Variants in AOAH observed in about 807,000 individuals in gnomAD.
AOAH encodes acyloxyacyl hydrolase.
AOAH carries 64 observed loss-of-function variants against 92.2 expected under a neutral mutation model. That is an observed-to-expected ratio of 0.69 (90% CI 0.57 to 0.86). The LOEUF (loss-of-function observed/expected upper bound fraction) is 0.86. AOAH is among the 40% of genes least tolerant of loss of function. AOAH has a pLI of 0.00. For synonymous variants in AOAH, 263 were observed against 254.5 expected, an observed-to-expected ratio of 1.03 and a Z score of -0.32; for missense variants, 656 against 694.6, an observed-to-expected ratio of 0.94 and a Z score of 0.62.
At chr7:36,656,037 T>G (rs768382862) in intron 4 of AOAH, among the ~76,000 whole-genome samples, 2 of 152,118 alleles carry the variant, frequency 1.3e-5, no homozygotes, top group Non-Finnish European at 2.9e-5. Flanking sequence ...GAGAAATTGC[T>G]TTCCAGGCAA....
chr7:36,548,033 T>C (rs977955204), intron 15 of AOAH, among the ~76,000 whole-genome samples: 1 of 152,208 alleles, frequency 6.6e-6, no homozygotes, highest in Admixed American at 6.5e-5. Flanking sequence ...TTCCCAATCT[T>C]GGGTTCTCAG....
chr7:36,588,662 A>G (rs1259228929), intron 12 of AOAH, among the ~76,000 whole-genome samples: 1 of 152,176 alleles, frequency 6.6e-6, no homozygotes, highest in Admixed American at 6.5e-5. Flanking sequence ...TACTGCCCCA[A>G]GTGACTTGGT....
chr7:36,611,146 A>G (rs1225616763), intron 11 of AOAH, among the ~76,000 whole-genome samples: 1 of 152,152 alleles, frequency 6.6e-6, no homozygotes, highest in Non-Finnish European at 1.5e-5. Context: ...CCAGGCTGAG[A>G]GTGGCTGGGC....
Position 36,659,413 on chromosome 7 carries a change from C to A in AOAH, c.291-148G>T, listed in dbSNP as rs371785747. 1.6e-4 allele frequency: 105 copies of A among 646,410 alleles called. 2 individuals are homozygous for A. Among genetic ancestry groups the A allele is most frequent in the South Asian group, 6.2e-4 (35 of 56,404 alleles). The allele number at this position is 646,410 out of a possible 1,614,324, so 40.0% of individuals were successfully genotyped here. On this transcript the variant is annotated intron_variant, in intron 3 of 20. Coordinates refer to ENST00000617537, the MANE Select transcript of AOAH (RefSeq NM_001637.4). Reference sequence around the variant, plus strand: ...GGCCTTTGACCCCAATCCCGGGGAGCTGCTGGATGGTAATGATTTCCTGCC... The same window carrying A: ...GGCCTTTGACCCCAATCCCGGGGAGATGCTGGATGGTAATGATTTCCTGCC...
At chr7:36,607,281 G>A (rs979446430) in intron 11 of AOAH, among the ~76,000 whole-genome samples, 9 of 152,192 alleles carry the variant, frequency 5.9e-5, no homozygotes, top group African/African-American at 2.2e-4. Flanking sequence ...ATGAAACAAT[G>A]CCCACTTGTT....
chr7:36,521,754 C>T (rs916439427), intron 20 of AOAH, among the ~76,000 whole-genome samples: 5 of 151,398 alleles, frequency 3.3e-5, no homozygotes, highest in Non-Finnish European at 5.9e-5. Context: ...CTTTTAGCAT[C>T]GCACAGAGCT....
intron 11 of AOAH, among the ~76,000 whole-genome samples, chr7:36,602,331 G>A (rs990532236): frequency 2.0e-5 from 3 of 151,624 alleles, no homozygotes; most frequent in Non-Finnish European, 4.4e-5. Context: ...CTAACCCTAT[G>A]ATTTATTTAT....
At chr7:36,637,359 T>C (rs1258514925) in intron 5 of AOAH, among the ~76,000 whole-genome samples, 2 of 152,108 alleles carry the variant, frequency 1.3e-5, no homozygotes, top group East Asian at 1.9e-4. Context: ...CTCAGTGAAG[T>C]TGAGCACCGT....
chr7:36,642,541 TG>T (rs1793981828), intron 4 of AOAH, among the ~76,000 whole-genome samples: 1 of 152,224 alleles, frequency 6.6e-6, no homozygotes, highest in African/African-American at 2.4e-5. Flanking sequence ...GCAACCCAGT[TG>T]GTGGTCACAG....
chr7:36,558,774 T>C (rs111518297), intron 13 of AOAH, among the ~76,000 whole-genome samples: 25,909 of 152,268 alleles, frequency 0.17, 2,691 homozygotes, highest in African/African-American at 0.29. Context: ...TAGGACCCTC[T>C]GAGCCATGTG....
chr7:36,672,760 CATGT>C, intron 3 of AOAH, among the ~76,000 whole-genome samples: 1 of 152,082 alleles, frequency 6.6e-6, no homozygotes, highest in African/African-American at 2.4e-5. Context: ...ATGTTCAGCA[CATGT>C]ATCCCAGAAC....
chr7:36,671,011 G>A (rs1219578354), intron 3 of AOAH, among the ~76,000 whole-genome samples: 1 of 152,074 alleles, frequency 6.6e-6, no homozygotes, highest in African/African-American at 2.4e-5. Context: ...CTGCTCTCTG[G>A]CACCCCCTTT....
chr7:36,654,469 G>C (rs1304728730), intron 4 of AOAH, among the ~76,000 whole-genome samples: 5 of 152,128 alleles, frequency 3.3e-5, no homozygotes, highest in African/African-American at 1.2e-4. Flanking sequence ...AATTTCAGGT[G>C]GGCTGTAGAT....
At chr7:36,637,808 C>T (rs769708279) in intron 5 of AOAH, 43 bp downstream of exon 5, 2 of 1,584,346 alleles carry the variant, frequency 1.3e-6, no homozygotes, top group Admixed American at 3.3e-5. Context: ...TGAGAGAGGA[C>T]ATGCCAAGGA....
chr7:36,723,059 C>T (rs1799746918), intron 1 of AOAH, among the ~76,000 whole-genome samples: 1 of 150,380 alleles, frequency 6.6e-6, no homozygotes, highest in African/African-American at 2.4e-5. Context: ...TCCATATTGT[C>T]TCCAGAAACA....
intron 13 of AOAH, among the ~76,000 whole-genome samples, chr7:36,561,121 A>G (rs1787231988): frequency 6.7e-6 from 1 of 149,028 alleles, no homozygotes; most frequent in African/African-American, 2.5e-5. Flanking sequence ...GGCTCACTGC[A>G]ACCTCCACCT....
intron 11 of AOAH, among the ~76,000 whole-genome samples, chr7:36,599,384 A>G (rs1185708480): frequency 6.6e-6 from 1 of 152,174 alleles, no homozygotes; most frequent in Non-Finnish European, 1.5e-5. Context: ...CAAAGCAGGG[A>G]GTATCCTCAG....
intron 2 of AOAH, among the ~76,000 whole-genome samples, chr7:36,675,899 A>G (rs975229796): frequency 4.6e-5 from 7 of 152,210 alleles, no homozygotes; most frequent in Non-Finnish European, 8.8e-5. Context: ...TGATTATCCA[A>G]TATAGGCAGA....
chr7:36,720,612 T>C (rs186156871), intron 1 of AOAH, among the ~76,000 whole-genome samples: 38 of 152,298 alleles, frequency 2.5e-4, no homozygotes, highest in Admixed American at 1.7e-3. Flanking sequence ...GGCTCTGGCA[T>C]TGGCAGTTTA....
Sources: allele counts gnomAD v4.1 joint callset (sites outside exome capture counted in the v4.1 genomes callset), GRCh38; gene constraint gnomAD v4.1.1; transcripts MANE v1.5; gene names NCBI Gene and HGNC (gene_info 2026-07-23, HGNC 2026-07-21).